Variants in IGF1R observed in about 807,000 individuals in gnomAD.
IGF1R encodes insulin-like growth factor 1 receptor.
IGF1R carries 44 observed loss-of-function variants against 144.6 expected under a neutral mutation model. The ratio of observed to expected loss-of-function variants is 0.30; its 90% CI spans 0.24 to 0.39. The LOEUF (loss-of-function observed/expected upper bound fraction) is 0.39, where lower values mean the gene tolerates loss of function less well. IGF1R is among the 10% of genes least tolerant of loss of function. IGF1R has a pLI of 1.00. For synonymous variants in IGF1R, 795 were observed against 722.8 expected (o/e 1.10, Z -1.60); for missense variants, 1,355 against 1,833.7 (o/e 0.74, Z 4.77).
intron 1 of IGF1R, among the ~76,000 whole-genome samples, chr15:98,679,863 A>G (rs539927260): frequency 3.3e-5 from 5 of 152,288 alleles, no homozygotes; most frequent in African/African-American, 1.2e-4. Flanking sequence ...GGTGGAAGAC[A>G]GTGACATGGA....
chr15:98,882,272 G>A (rs939257215), intron 2 of IGF1R, among the ~76,000 whole-genome samples: 6 of 152,232 alleles, frequency 3.9e-5, no homozygotes, highest in African/African-American at 1.4e-4. Flanking sequence ...CTGCGTGTCA[G>A]ACACCTGCAT....
At position 98,915,031 on chromosome 15, in the gene IGF1R, G is replaced by A. The variant is rs1011892286; in HGVS notation, c.1829-933G>A. 4.6e-5 allele frequency among the ~76,000 whole-genome samples: 7 copies of A among 152,114 alleles called. No homozygotes were observed. The East Asian group carries it at 5.8e-4, about 13-fold the overall frequency. ...AACCTGGAGCACCCTCAAGCTGTCC[G>A]CCCTTTTCAAGTTTTAAAAATGGCT... On this transcript the variant is annotated intron_variant, in intron 8 of 20. Transcript: ENST00000650285.
rs1265245619 is a variant in IGF1R at position 98,869,290 on chromosome 15, TA to T, written c.641-22027del. On this transcript the variant is annotated intron_variant, in intron 2 of 20. Coordinates refer to ENST00000650285, the MANE Select transcript of IGF1R (RefSeq NM_000875.5). ...AAGAGATTTCGAGACAGCTTTCAAT[TA>T]AAAAAAACAAACAACAACAACAACA... 3.0e-3 allele frequency among the ~76,000 whole-genome samples: 366 copies of T among 120,158 alleles called. 1 individual carries two copies. The highest frequency in any genetic ancestry group is 0.011 in the African/African-American group (343 of 29,890). The allele number at this position is 120,158 out of a possible 152,430, so 78.8% of individuals were successfully genotyped here.
At chr15:98,722,476 T>C (rs1197769647) in intron 2 of IGF1R, among the ~76,000 whole-genome samples, 1 of 152,202 alleles carries the variant, frequency 6.6e-6, no homozygotes. Context: ...TGGAGTATAC[T>C]ATTTTGTAAA....
At chr15:98,843,747 T>C (rs1044083159) in intron 2 of IGF1R, among the ~76,000 whole-genome samples, 1 of 152,184 alleles carries the variant, frequency 6.6e-6, no homozygotes, top group African/African-American at 2.4e-5. Context: ...TCTTCAGTGC[T>C]TTCTTCAGAG....
intron 1 of IGF1R, among the ~76,000 whole-genome samples, chr15:98,700,318 T>C (rs1302044456): frequency 2.0e-5 from 3 of 151,582 alleles, no homozygotes; most frequent in Non-Finnish European, 1.5e-5. Flanking sequence ...TTCTTGGGGG[T>C]TTTCTGAGAG....
chr15:98,911,280 ATC>A lies in IGF1R; in HGVS notation c.1463-31_1463-30del, dbSNP rs1470030006. The A allele has an allele frequency of 3.7e-6, 6 of 1,613,418 alleles. No homozygotes were observed. In the South Asian group the frequency reaches 5.5e-5, roughly 15 times the overall value. ...ACAGGTGCTTTTCAGAGACACATGA[ATC>A]TCTGTCACTCACGGATGTACTCTTT... On this transcript the variant is annotated intron_variant, in intron 6 of 20. Coordinates refer to ENST00000650285, the MANE Select transcript of IGF1R (RefSeq NM_000875.5).
At chr15:98,877,403 C>T (rs886475169) in intron 2 of IGF1R, among the ~76,000 whole-genome samples, 5 of 151,734 alleles carry the variant, frequency 3.3e-5, no homozygotes, top group African/African-American at 1.2e-4. Context: ...AAAGATAATC[C>T]AGCCTCACCA....
intron 2 of IGF1R, among the ~76,000 whole-genome samples, chr15:98,775,461 AG>A (rs1315393396): frequency 6.6e-6 from 1 of 152,162 alleles, no homozygotes; most frequent in Non-Finnish European, 1.5e-5. Context: ...TGTGCAAACA[AG>A]TTCAGGGACC....
intron 2 of IGF1R, among the ~76,000 whole-genome samples, chr15:98,760,922 G>A (rs1023867318): frequency 3.3e-5 from 5 of 152,232 alleles, no homozygotes; most frequent in African/African-American, 9.6e-5. Context: ...TTTGCTTTTC[G>A]ATGTCTAATT....
chr15:98,768,785 G>A (rs1205352653), intron 2 of IGF1R, among the ~76,000 whole-genome samples: 21 of 48,818 alleles, frequency 4.3e-4, no homozygotes, highest in Admixed American at 2.2e-3. Flanking sequence ...AAAAAAAGCC[G>A]GGCGCGGTGC....
chr15:98,845,332 G>A (rs553989452), intron 2 of IGF1R, among the ~76,000 whole-genome samples: 1 of 151,830 alleles, frequency 6.6e-6, no homozygotes, highest in Non-Finnish European at 1.5e-5. Flanking sequence ...TGAGTCAGTC[G>A]GGCTGTGTCT....
At position 98,962,967 on chromosome 15, in the gene IGF1R, T is replaced by C. The variant is rs2017282707; in HGVS notation, c.*5525T>C. 1 of 233,768 alleles carries C rather than the reference T, an allele frequency of 4.3e-6. No homozygotes were observed. The highest frequency in any genetic ancestry group is 8.5e-6 in the Non-Finnish European group (1 of 118,068). The allele number at this position is 233,768 out of a possible 1,614,324, so 14.5% of individuals were successfully genotyped here. A position where few individuals can be genotyped will look rare whatever the true frequency, so the allele number is the denominator to read the frequency against. On this transcript the variant is annotated 3_prime_UTR_variant, in exon 21 of 21. Coordinates refer to ENST00000650285, the MANE Select transcript of IGF1R (RefSeq NM_000875.5). ...CATTTTTATGTCCCACGTGTGTGTG[T>C]CCGCATCTTTCTGGTCAACATTGTT...
rs2017327476 is a variant in IGF1R, at chr15:98,963,963, AT to A, written c.*6524del. On this transcript the variant is annotated 3_prime_UTR_variant, in exon 21 of 21. Coordinates refer to ENST00000650285, the MANE Select transcript of IGF1R (RefSeq NM_000875.5). ...TACATAGGAGAAAGATCTGGAAACT[AT>A]TTGGGTTTTGTTTTCAACTTTTCAT... 4.3e-6 allele frequency: 1 copy of A among 233,150 alleles called. No homozygotes were observed. The allele number at this position is 233,150 out of a possible 1,614,324, so 14.4% of individuals were successfully genotyped here.
intron 20 of IGF1R, among the ~76,000 whole-genome samples, chr15:98,952,360 C>T (rs1249600328): frequency 6.7e-6 from 1 of 150,058 alleles, no homozygotes; most frequent in Non-Finnish European, 1.5e-5. Context: ...ATCTGCTCCA[C>T]ACTTTGAGCA....
At chr15:98,878,662 TCAAAAAAAA>T (rs2013185221) in intron 2 of IGF1R, among the ~76,000 whole-genome samples, 1 of 15,750 alleles carries the variant, frequency 6.3e-5, no homozygotes, top group African/African-American at 3.6e-4. Context: ...TGTGAAAGAC[TCAAAAAAAA>T]AAAAAAAAAA....
At chr15:98,871,713 C>CATATTAACTTGTG (rs2012795879) in intron 2 of IGF1R, among the ~76,000 whole-genome samples, 1 of 152,182 alleles carries the variant, frequency 6.6e-6, no homozygotes, top group Non-Finnish European at 1.5e-5. Flanking sequence ...TAAAAACCAT[C>CATATTAACTTGTG]AGATCTTGTG....
intron 6 of IGF1R, among the ~76,000 whole-genome samples, chr15:98,910,018 G>T (rs559986751): frequency 6.6e-6 from 1 of 152,218 alleles, no homozygotes; most frequent in African/African-American, 2.4e-5. Context: ...TGATTTGTGC[G>T]TGTGTGCAGA....
intron 5 of IGF1R, among the ~76,000 whole-genome samples, chr15:98,902,889 A>G (rs1170248343): frequency 6.6e-6 from 1 of 152,158 alleles, no homozygotes; most frequent in Non-Finnish European, 1.5e-5. Flanking sequence ...ATCCCCCTCA[A>G]AAAGTCTCCT....
Sources: gnomAD v4.1 joint callset for allele counts (sites outside exome capture counted in the v4.1 genomes callset) on GRCh38, gnomAD v4.1.1 for gene constraint, MANE v1.5 for transcripts, NCBI Gene and HGNC (gene_info 2026-07-23, HGNC 2026-07-21) for gene names.